PTPRU: variants seen among roughly 807,000 people sequenced by gnomAD.
PTPRU encodes receptor-type tyrosine-protein phosphatase U.
A neutral mutation model predicts 166.3 loss-of-function variants in PTPRU; 69 were observed. The observed-to-expected ratio is 0.41, with a 90% confidence interval of 0.34 to 0.51. The LOEUF is 0.51. Among genes scored for constraint, PTPRU ranks in the 20% least tolerant of loss-of-function variants. PTPRU has a pLI of 0.09. For synonymous variants in PTPRU, 793 were observed against 814.0 expected (o/e 0.97, Z 0.44); for missense variants, 1,657 against 2,013.7 (o/e 0.82, Z 3.39).
rs1265204602 is a variant in PTPRU, at chr1:29,320,074, G to A, written c.3688-611G>A. ...TTATTGAGCCCCTACAGGGTTCTGG[G>A]TGGAGACCATACCCTAGAAGCTCTG... On this transcript the variant is annotated intron_variant, in intron 25 of 29. Coordinates refer to ENST00000373779, the MANE Select transcript of PTPRU (RefSeq NM_133178.4). The surrounding 1 kb of genome is among the most constrained non-coding windows in gnomAD (Gnocchi z 5.2). 6.6e-6 allele frequency: 1 copy of A among 152,266 alleles called. No homozygotes were observed. The highest frequency in any genetic ancestry group is 1.5e-5 in the Non-Finnish European group (1 of 68,064). 9.4% of individuals were successfully genotyped at this position (152,266 alleles called of 1,614,324 possible). A position where few individuals can be genotyped will look rare whatever the true frequency, so the allele number is the denominator to read the frequency against.
rs981007866 is a variant in PTPRU at position 29,304,273 on chromosome 1, C to T, written c.2667+228C>T. Among the ~76,000 whole-genome samples, 7 of 152,168 alleles carry T rather than the reference C, an allele frequency of 4.6e-5. No individual in the cohort carries two copies. The East Asian group carries it at 5.8e-4, about 13-fold the overall frequency. On this transcript the variant is annotated intron_variant, in intron 16 of 29. Transcript: ENST00000373779. ...TGATTTGAAATCTGACCTTGAATCT[C>T]GTCTCCATCTCTATGTGGACTGTGA... is the stretch of plus-strand genomic sequence containing the variant.
At chr1:29,284,047 C>T (rs1430164787) in intron 13 of PTPRU, 71 bp downstream of exon 13, 49 of 1,569,200 alleles carry the variant, frequency 3.1e-5, no homozygotes, top group Non-Finnish European at 4.2e-5. Flanking sequence ...GGAGGTGGAT[C>T]CTGAGGACCT....
intron 15 of PTPRU, among the ~76,000 whole-genome samples, chr1:29,302,487 A>G (rs1687182686): frequency 6.6e-6 from 1 of 152,164 alleles, no homozygotes; most frequent in Non-Finnish European, 1.5e-5. Context: ...CACCCAGGAC[A>G]GCTTCCAGTC....
Position 29,280,136 on chromosome 1 carries a change from C to A in PTPRU, c.1863C>A (p.Pro621=). The change falls in exon 11 of 30, where the codon CCC becomes CCA. Residue 621 remains proline, a synonymous_variant. Transcript: ENST00000373779. This position sits in a 1 kb window ranked among gnomAD's most constrained non-coding sequence, Gnocchi z 4.2. ...LLRPAQGRGA[P]ISVYQVIVEE... is the part of the protein sequence containing the mutation. ...GGCCGGCACAGGGCCGCGGTGCGCC[C>A]ATCAGGTGGGAAAGCGGGGACGGAG... is the stretch of plus-strand genomic sequence containing the variant. The A allele has an allele frequency of 6.2e-7, 1 of 1,611,118 alleles. No individual in the cohort carries two copies. The highest frequency in any genetic ancestry group is 8.5e-7 in the Non-Finnish European group (1 of 1,178,264).
At chr1:29,240,156 A>G (rs1574589013) in intron 1 of PTPRU, among the ~76,000 whole-genome samples, 1 of 152,022 alleles carries the variant, frequency 6.6e-6, no homozygotes, top group East Asian at 1.9e-4. Context: ...CTGCAACTTG[A>G]TGGGCTCTCA....
At chr1:29,310,479 G>A (rs1266604855) in intron 18 of PTPRU, among the ~76,000 whole-genome samples, 1 of 152,092 alleles carries the variant, frequency 6.6e-6, no homozygotes, top group Admixed American at 6.5e-5. Context: ...GTCCCTCTAG[G>A]CACATAAAGG....
At position 29,317,315 on chromosome 1, in the gene PTPRU, AG is replaced by A. The variant is rs2151969214; in HGVS notation, c.3514-430del. 1.3e-5 allele frequency among the ~76,000 whole-genome samples: 2 copies of A among 152,026 alleles called. No homozygotes were observed. Among genetic ancestry groups the A allele is most frequent in the African/African-American group, 4.8e-5 (2 of 41,450 alleles). The stretch of plus-strand genomic sequence containing the variant: ...CACGTGCCTGGAGTCCGCTTCTTGG[AG>A]GGTGTGGGGTTTCAGGGGTTGCCTC... On this transcript the variant is annotated intron_variant, in intron 24 of 29. Transcript: ENST00000373779. The surrounding 1 kb of genome is among the most constrained non-coding windows in gnomAD (Gnocchi z 5.6).
At chr1:29,323,302 T>C (rs2151972147) in intron 26 of PTPRU, 69 bp from the exon 27 acceptor site, 1 of 1,552,610 alleles carries the variant, frequency 6.4e-7, no homozygotes. Context: ...GCCCTTGGGG[T>C]GGGCATGGCT....
rs1440612661 is a variant in PTPRU, at chr1:29,317,543, C to T, written c.3514-205C>T. On this transcript the variant is annotated intron_variant, in intron 24 of 29. Transcript: ENST00000373779. This position sits in a 1 kb window ranked among gnomAD's most constrained non-coding sequence, Gnocchi z 5.6. ...GTTATGTGGGTGGCAAGGAGGTAGA[C>T]TCTGGTCTCTAGAGCTCTATCCAGG... Among the ~76,000 whole-genome samples, 1 of 152,162 alleles carries T rather than the reference C, an allele frequency of 6.6e-6. No individual in the cohort carries two copies. The highest frequency in any genetic ancestry group is 6.5e-5 in the Admixed American group (1 of 15,290).
Position 29,279,163 on chromosome 1 carries a change from G to T in PTPRU, c.1563+42G>T. 1 of 1,461,930 alleles carries T rather than the reference G, an allele frequency of 6.8e-7. No individual in the cohort carries two copies. Among genetic ancestry groups the T allele is most frequent in the South Asian group, 1.2e-5 (1 of 81,954 alleles). The allele number at this position is 1,461,930 out of a possible 1,614,324, so 90.6% of individuals were successfully genotyped here. A position where few individuals can be genotyped will look rare whatever the true frequency, so the allele number is the denominator to read the frequency against. On this transcript the variant is annotated intron_variant, in intron 9 of 29. Transcript: ENST00000373779. This position sits in a 1 kb window ranked among gnomAD's most constrained non-coding sequence, Gnocchi z 5.2. ...ATTACAGTGGGGGACCCTGGTGGAA[G>T]GTGAGAGGTGGCCCTCTTTCTCTCT...
chr1:29,291,097 A>G lies in PTPRU; in HGVS notation c.2319-772A>G, dbSNP rs1407711060. ...CTTTCCTCCAAGTTCCTTCGAAGTC[A>G]CAAACTGCCATCCTCATCCGTGAAG... is the stretch of plus-strand genomic sequence containing the variant. On this transcript the variant is annotated intron_variant, in intron 14 of 29. Coordinates refer to ENST00000373779, the MANE Select transcript of PTPRU (RefSeq NM_133178.4). This position sits in a 1 kb window ranked among gnomAD's most constrained non-coding sequence, Gnocchi z 4.1. 6.6e-6 allele frequency among the ~76,000 whole-genome samples: 1 copy of G among 152,168 alleles called. No homozygotes were observed. The highest frequency in any genetic ancestry group is 1.9e-4 in the East Asian group (1 of 5,180).
chr1:29,259,753 T>C (rs1684954169), intron 5 of PTPRU, 117 bp from the exon 6 acceptor site: 2 of 1,329,292 alleles, frequency 1.5e-6, no homozygotes, highest in South Asian at 3.0e-5. Flanking sequence ...AGAGCGCGGC[T>C]CCAGGAACCT....
At chr1:29,251,124 G>A (rs1046624106) in intron 1 of PTPRU, among the ~76,000 whole-genome samples, 9 of 152,166 alleles carry the variant, frequency 5.9e-5, no homozygotes, top group African/African-American at 2.2e-4. Context: ...ATGGTGGCAC[G>A]TGCCTATAAT....
At chr1:29,302,826 G>A (rs1038527998) in intron 15 of PTPRU, among the ~76,000 whole-genome samples, 1 of 152,158 alleles carries the variant, frequency 6.6e-6, no homozygotes, top group African/African-American at 2.4e-5. Context: ...TGGGATTACA[G>A]GTTTGAGCCA....
chr1:29,240,952 G>A (rs1174268470), intron 1 of PTPRU, among the ~76,000 whole-genome samples: 3 of 152,188 alleles, frequency 2.0e-5, no homozygotes, highest in African/African-American at 7.2e-5. Flanking sequence ...ACTGCATCCC[G>A]TGGTGGCCCT....
chr1:29,268,373 A>C (rs2151948148), intron 7 of PTPRU, among the ~76,000 whole-genome samples: 1 of 152,324 alleles, frequency 6.6e-6, no homozygotes, highest in Non-Finnish European at 1.5e-5. Context: ...GACTGAGGAC[A>C]TAACCGTTGT....
chr1:29,258,245 G>A (rs777742144), intron 2 of PTPRU, among the ~76,000 whole-genome samples: 3 of 152,210 alleles, frequency 2.0e-5, no homozygotes, highest in Non-Finnish European at 2.9e-5. Context: ...GATTATAGGC[G>A]TGAGCCACCG....
At position 29,291,938 on chromosome 1, in the gene PTPRU, G is replaced by A. The variant is rs757309879; in HGVS notation, c.2388G>A (p.Val796=). 1 of 1,614,176 alleles carries A rather than the reference G, an allele frequency of 6.2e-7. No homozygotes were observed. Among genetic ancestry groups the A allele is most frequent in the African/African-American group, 1.3e-5 (1 of 75,048 alleles). ...AGAAGACACACATGATGAGCGCCGTGGACCGCAGCTTCACAGACCAGAGCA... is the reference window on the plus strand; with the variant it reads ...AGAAGACACACATGATGAGCGCCGTAGACCGCAGCTTCACAGACCAGAGCA... ...RQEKTHMMSA[V]DRSFTDQSTL... Residue 796 remains valine, a synonymous_variant, in exon 15 of 30, where the codon GTG becomes GTA. Transcript: ENST00000373779. The surrounding 1 kb of genome is among the most constrained non-coding windows in gnomAD (Gnocchi z 4.1).
chr1:29,240,304 C>A (rs1326392972), intron 1 of PTPRU, among the ~76,000 whole-genome samples: 1 of 152,148 alleles, frequency 6.6e-6, no homozygotes, highest in Non-Finnish European at 1.5e-5. Context: ...TGCTGTCTCC[C>A]TTACCAGACT....
Sources: gnomAD v4.1 joint callset for allele counts (sites outside exome capture counted in the v4.1 genomes callset) on GRCh38, gnomAD v4.1.1 for gene constraint, Gnocchi (gnomAD v3.1) non-coding constraint, MANE v1.5 for transcripts, NCBI Gene and HGNC (gene_info 2026-07-23, HGNC 2026-07-21) for gene names.